The following SLC36A1 variants were observed in gnomAD, a reference collection of about 807,000 sequenced individuals.
SLC36A1 encodes the protein proton-coupled amino acid transporter 1.
Under a neutral mutation model 47.5 loss-of-function variants are expected in SLC36A1, and 30 were observed. That is an observed-to-expected ratio of 0.63 (90% CI 0.47 to 0.86). SLC36A1 has a LOEUF of 0.86. Ranked by LOEUF, SLC36A1 falls within the 40% of genes least tolerant of loss-of-function variation. The pLI, the probability that SLC36A1 is intolerant of heterozygous loss-of-function variation, is 0.00. For missense variants in SLC36A1, 517 were observed against 606.0 expected, an observed-to-expected ratio of 0.85 and a Z score of 1.54; for synonymous variants, 255 against 249.7, an observed-to-expected ratio of 1.02 and a Z score of -0.20.
intron 10 of SLC36A1, among the ~76,000 whole-genome samples, chr5:151,480,366 T>G (rs1758643910): frequency 1.3e-5 from 2 of 152,250 alleles, no homozygotes; most frequent in African/African-American, 4.8e-5. Context: ...AGAATTTTCT[T>G]AAATTATTCA....
chr5:151,456,886 C>T (rs1448508391), intron 1 of SLC36A1, among the ~76,000 whole-genome samples: 1 of 152,190 alleles, frequency 6.6e-6, no homozygotes, highest in Non-Finnish European at 1.5e-5. Context: ...GGAGCACCAT[C>T]CTCTGGCAGG....
At chr5:151,532,650 G>A in the SLC36A1 span, among the ~76,000 whole-genome samples, 51 of 152,298 alleles carry the variant, frequency 3.3e-4, no homozygotes, top group African/African-American at 1.2e-3. Context: ...AAACACCCAT[G>A]GAAGTTCTTA....
intron 7 of SLC36A1, among the ~76,000 whole-genome samples, chr5:151,470,098 C>G (rs1198330464): frequency 6.6e-6 from 1 of 152,132 alleles, no homozygotes; most frequent in Non-Finnish European, 1.5e-5. Flanking sequence ...TCTTCACGTC[C>G]CCTTTTTATG....
the SLC36A1 span, among the ~76,000 whole-genome samples, chr5:151,345,421 A>G: frequency 1.3e-5 from 2 of 152,206 alleles, no homozygotes; most frequent in Admixed American, 1.3e-4. Flanking sequence ...GAGTGATGCT[A>G]TTTTTAAAAG....
the SLC36A1 span, among the ~76,000 whole-genome samples, chr5:151,429,588 C>G: frequency 6.6e-6 from 1 of 151,852 alleles, no homozygotes; most frequent in Non-Finnish European, 1.5e-5. Context: ...TTTTCTTAAT[C>G]CAGTCTATCA....
At chr5:151,506,269 G>A in the SLC36A1 span, among the ~76,000 whole-genome samples, 7 of 152,192 alleles carry the variant, frequency 4.6e-5, no homozygotes. Context: ...GAATCCAATG[G>A]GACAAGCTCA....
At chr5:151,482,503 T>C (rs1758933034) in intron 10 of SLC36A1, among the ~76,000 whole-genome samples, 1 of 152,236 alleles carries the variant, frequency 6.6e-6, no homozygotes, top group Non-Finnish European at 1.5e-5. Flanking sequence ...TTCCACCAAT[T>C]TAACAAAGTA....
At chr5:151,446,038 AGTTT>A, upstream of SLC36A1, among the ~76,000 whole-genome samples, 1 of 150,070 alleles carries the variant, frequency 6.7e-6, no homozygotes, top group South Asian at 2.1e-4. Context: ...TTCTTTTTCC[AGTTT>A]CCTGAGGTAT....
chr5:151,400,670 T>TTTTTG, the SLC36A1 span, among the ~76,000 whole-genome samples: 138 of 152,152 alleles, frequency 9.1e-4, 1 homozygote, highest in African/African-American at 2.3e-3. Flanking sequence ...CAATACCCGT[T>TTTTTG]TTTTGTTTTG....
the SLC36A1 span, chr5:151,510,889 A>C: frequency 6.6e-6 from 1 of 152,336 alleles, no homozygotes; most frequent in African/African-American, 2.4e-5. Flanking sequence ...CTCAAACCAC[A>C]CCAGGGTGGG....
At chr5:151,544,151 C>G in the SLC36A1 span, 1 of 1,614,062 alleles carries the variant, frequency 6.2e-7, no homozygotes, top group East Asian at 2.2e-5. Context: ...CCTGTGCTCC[C>G]ATTGATCTGG....
At chr5:151,411,769 A>G in the SLC36A1 span, among the ~76,000 whole-genome samples, 1 of 144,414 alleles carries the variant, frequency 6.9e-6, no homozygotes, top group South Asian at 2.6e-4. Flanking sequence ...TCCTTAGTAC[A>G]GTTTTTCCCA....
At chr5:151,464,623 C>T (rs763038743) in intron 4 of SLC36A1, 21 bp downstream of exon 4, 3 of 1,605,134 alleles carry the variant, frequency 1.9e-6, no homozygotes, top group Non-Finnish European at 2.6e-6. Flanking sequence ...TCTGAGCCAC[C>T]TCTCAAGTGA....
intron 7 of SLC36A1, among the ~76,000 whole-genome samples, chr5:151,468,266 A>AAAAAAAAT (rs55642458): frequency 6.3e-5 from 4 of 63,814 alleles, no homozygotes; most frequent in Admixed American, 1.8e-4. Flanking sequence ...AAAAAAAAAA[A>AAAAAAAAT]ATATATATAT....
the SLC36A1 span, among the ~76,000 whole-genome samples, chr5:151,419,139 T>C: frequency 1.3e-5 from 2 of 152,360 alleles, no homozygotes; most frequent in Admixed American, 6.5e-5. Flanking sequence ...CATGCTGAAC[T>C]GTGAGTCAAT....
At chr5:151,483,521 G>T (rs1227913798) in intron 10 of SLC36A1, among the ~76,000 whole-genome samples, 2 of 109,456 alleles carry the variant, frequency 1.8e-5, no homozygotes, top group African/African-American at 5.7e-5. Flanking sequence ...TGTGTGTGGG[G>T]GGGGTGATTA....
chr5:151,501,720 G>A, the SLC36A1 span, among the ~76,000 whole-genome samples: 1 of 148,402 alleles, frequency 6.7e-6, no homozygotes, highest in Non-Finnish European at 1.5e-5. Flanking sequence ...TGAGGAATGA[G>A]AGGCCTAACT....
chr5:151,458,593 G>A (rs1221056617), intron 1 of SLC36A1, among the ~76,000 whole-genome samples, 195 bp from the exon 2 acceptor site: 1 of 152,104 alleles, frequency 6.6e-6, no homozygotes. Context: ...CAGAAGTCAA[G>A]TGAACTCAGC....
chr5:151,532,156 G>A, the SLC36A1 span, among the ~76,000 whole-genome samples: 1 of 152,166 alleles, frequency 6.6e-6, no homozygotes, highest in Non-Finnish European at 1.5e-5. Context: ...GAGACCCAAG[G>A]CCTCACTAAA....
Sources: allele counts gnomAD v4.1 joint callset (sites outside exome capture counted in the v4.1 genomes callset), GRCh38; gene constraint gnomAD v4.1.1; transcripts MANE v1.5; gene names NCBI Gene and HGNC (gene_info 2026-07-23, HGNC 2026-07-21).